The following TOPBP1 variants were observed in gnomAD, a reference collection of about 807,000 sequenced individuals.
The protein encoded by TOPBP1 is DNA topoisomerase 2-binding protein 1.
A neutral mutation model predicts 167.7 loss-of-function variants in TOPBP1; 28 were observed. That is an observed-to-expected ratio of 0.17 (90% confidence interval 0.12 to 0.23). The LOEUF (loss-of-function observed/expected upper bound fraction) is 0.23. Ranked by LOEUF, TOPBP1 falls within the 10% of genes least tolerant of loss-of-function variation. TOPBP1 has a pLI of 1.00. For missense variants in TOPBP1, 1,554 were observed against 1,809.6 expected (o/e 0.86, Z 2.56); for synonymous variants, 598 against 611.4 (o/e 0.98, Z 0.32).
At chr3:133,638,301 C>T (rs10512907) in intron 13 of TOPBP1, 139 bp from the exon 14 acceptor site, 127,714 of 788,714 alleles carry the variant, frequency 0.16, 12,258 homozygotes, top group Non-Finnish European at 0.2. Flanking sequence ...CCATCTACCT[C>T]GGCATCCTAA....
chr3:133,623,060 AT>A, intron 19 of TOPBP1, 30 bp downstream of exon 19: 2 of 1,391,984 alleles, frequency 1.4e-6, no homozygotes, highest in Non-Finnish European at 1.9e-6. Flanking sequence ...CTCAAAAAAA[AT>A]TTTTTTAATT....
Position 133,608,618 on chromosome 3 carries a change from C to T in TOPBP1, c.4342G>A (p.Asp1448Asn). The change falls in exon 27 of 28, where the codon GAC becomes AAC. Residue 1448 changes from aspartate to asparagine, a missense_variant. This residue lies in a region of TOPBP1 where 351 missense variants were observed against 432.9 expected (regional missense o/e 0.81). Coordinates refer to ENST00000260810, the MANE Select transcript of TOPBP1 (RefSeq NM_007027.4). Reference protein sequence around the residue: ...FSDLNKLKPDDSGVNIAEAAA... With the variant: ...FSDLNKLKPDNSGVNIAEAAA... ...GCTTCTGCTATATTAACTCCTGAGTCATCTGGTTTCAGTTTATTCAAGTCA... is the reference window on the plus strand; with the variant it reads ...GCTTCTGCTATATTAACTCCTGAGTTATCTGGTTTCAGTTTATTCAAGTCA... 1 of 1,613,782 alleles carries T rather than the reference C, an allele frequency of 6.2e-7. No homozygotes were observed. Among genetic ancestry groups the T allele is most frequent in the Non-Finnish European group, 8.5e-7 (1 of 1,179,802 alleles).
At chr3:133,629,607 T>C (rs1316293594) in intron 14 of TOPBP1, among the ~76,000 whole-genome samples, 2 of 152,230 alleles carry the variant, frequency 1.3e-5, no homozygotes, top group African/African-American at 2.4e-5. Context: ...TCTACCAATG[T>C]TGACATTTTC....
intron 25 of TOPBP1, among the ~76,000 whole-genome samples, chr3:133,610,669 A>C (rs1185240151): frequency 2.6e-5 from 4 of 151,594 alleles, no homozygotes; most frequent in Non-Finnish European, 5.9e-5. Flanking sequence ...GGAAGTGCTA[A>C]TTTTCAATTA....
chr3:133,637,841 C>T (rs1370648491), intron 14 of TOPBP1, 35 bp downstream of exon 14: 3 of 1,600,196 alleles, frequency 1.9e-6, no homozygotes, highest in East Asian at 2.2e-5. Context: ...AACGGTAAAA[C>T]TGTTAACTCT....
Position 133,623,164 on chromosome 3 carries a change from A to G in TOPBP1, c.3105T>C (p.Asp1035=). 3.1e-6 allele frequency: 5 copies of G among 1,612,682 alleles called. No individual in the cohort carries two copies. The highest frequency in any genetic ancestry group is 4.2e-6 in the Non-Finnish European group (5 of 1,179,194). Residue 1035 remains aspartate (D), a synonymous_variant, in exon 19 of 28, where the codon GAT becomes GAC. Transcript: ENST00000260810. ...EPDPLILEEN[D]VDNMATNNKE... ...TATTATTGGTGGCCATATTGTCTAC[A>G]TCATTTTCTTCTAAAATCAAAGGAT...
chr3:133,615,865 C>T (rs913768808), intron 23 of TOPBP1, among the ~76,000 whole-genome samples: 1 of 152,156 alleles, frequency 6.6e-6, no homozygotes, highest in Admixed American at 6.5e-5. Flanking sequence ...CCTCAGCCCC[C>T]CAAAGTCTGG....
chr3:133,652,207 A>G (rs1320040151), intron 8 of TOPBP1, among the ~76,000 whole-genome samples: 1 of 152,224 alleles, frequency 6.6e-6, no homozygotes, highest in African/African-American at 2.4e-5. Flanking sequence ...GAAAAGATTA[A>G]TGTAGTTAGG....
At position 133,661,001 on chromosome 3, in the gene TOPBP1, C is replaced by T. The variant is rs1298105538; in HGVS notation, c.84+43G>A. 2.1e-6 allele frequency: 3 copies of T among 1,436,606 alleles called. No individual in the cohort carries two copies. In the South Asian group the frequency reaches 4.0e-5, roughly 19 times the overall value. The allele number at this position is 1,436,606 out of a possible 1,614,324, so 89.0% of individuals were successfully genotyped here. On this transcript the variant is annotated intron_variant, in intron 2 of 27. Coordinates refer to ENST00000260810, the MANE Select transcript of TOPBP1 (RefSeq NM_007027.4). Reference sequence around the variant, plus strand: ...CCAACAAATCAAAAACACTTAAAAACAAGAAAATGAATTCACGGTATTAAG... The same window carrying T: ...CCAACAAATCAAAAACACTTAAAAATAAGAAAATGAATTCACGGTATTAAG...
intron 19 of TOPBP1, among the ~76,000 whole-genome samples, chr3:133,621,549 T>A (rs968398324): frequency 6.6e-6 from 1 of 152,246 alleles, no homozygotes; most frequent in Non-Finnish European, 1.5e-5. Context: ...TACAGGAGGA[T>A]GTGCATTGGT....
intron 16 of TOPBP1, among the ~76,000 whole-genome samples, chr3:133,627,226 A>G (rs1190080916): frequency 1.3e-5 from 2 of 152,178 alleles, no homozygotes; most frequent in Non-Finnish European, 2.9e-5. Context: ...CTGGCATTTA[A>G]AATCATATAA....
At chr3:133,657,754 G>C (rs1310642158) in intron 4 of TOPBP1, 44 bp downstream of exon 4, 1 of 1,415,698 alleles carries the variant, frequency 7.1e-7, no homozygotes, top group African/African-American at 1.5e-5. Context: ...AAGAATAAGA[G>C]ATAGATATAT....
chr3:133,609,286 T>C (rs1934598063), intron 25 of TOPBP1, among the ~76,000 whole-genome samples: 1 of 152,214 alleles, frequency 6.6e-6, no homozygotes, highest in African/African-American at 2.4e-5. Context: ...CAGAGCTCCT[T>C]AGGTTAGATG....
chr3:133,610,264 A>C (rs1934629934), intron 25 of TOPBP1, among the ~76,000 whole-genome samples: 1 of 152,192 alleles, frequency 6.6e-6, no homozygotes, highest in Non-Finnish European at 1.5e-5. Context: ...TCCATGAAAG[A>C]ATCTGAGATG....
chr3:133,632,740 G>GC (rs1264627733), intron 14 of TOPBP1, among the ~76,000 whole-genome samples: 3 of 151,984 alleles, frequency 2.0e-5, no homozygotes, highest in African/African-American at 7.2e-5. Context: ...TCATCAATTG[G>GC]CTCTCTAATG....
At chr3:133,635,256 G>A (rs1202210039) in intron 14 of TOPBP1, among the ~76,000 whole-genome samples, 1 of 151,964 alleles carries the variant, frequency 6.6e-6, no homozygotes, top group Admixed American at 6.6e-5. Context: ...AGCCATCCTT[G>A]TACTTATTTC....
rs1167210312 is a variant in TOPBP1 at position 133,619,897 on chromosome 3, C to T, written c.3371+258G>A. 2.6e-5 allele frequency among the ~76,000 whole-genome samples: 4 copies of T among 152,148 alleles called. No homozygotes were observed. In the East Asian group the frequency reaches 5.8e-4, roughly 22 times the overall value. ...CAAGAAATGGAAGGACAAGCTAGAA[C>T]GAAAAATCTAGTCAGCAGAGAGCCA... On this transcript the variant is annotated intron_variant, in intron 20 of 27. Transcript: ENST00000260810.
At chr3:133,608,236 T>C (rs1211725597) in intron 27 of TOPBP1, among the ~76,000 whole-genome samples, 2 of 152,210 alleles carry the variant, frequency 1.3e-5, no homozygotes. Context: ...CTCCTTGGAC[T>C]CCTGGAATCG....
At chr3:133,618,914 C>T (rs1388895735) in intron 20 of TOPBP1, among the ~76,000 whole-genome samples, 1 of 151,926 alleles carries the variant, frequency 6.6e-6, no homozygotes, top group Non-Finnish European at 1.5e-5. Context: ...TCAGAAGGGC[C>T]TTTTGGCTAT....
Sources: allele counts gnomAD v4.1 joint callset (sites outside exome capture counted in the v4.1 genomes callset), GRCh38; gene constraint gnomAD v4.1.1; regional missense constraint gnomAD v4.1.1; transcripts MANE v1.5; gene names NCBI Gene and HGNC (gene_info 2026-07-23, HGNC 2026-07-21).